CTNNA3: variants seen among roughly 807,000 people sequenced by gnomAD.
CTNNA3 encodes the protein catenin alpha 3.
A neutral mutation model predicts 95.7 loss-of-function variants in CTNNA3; 76 were observed. The ratio of observed to expected loss-of-function variants is 0.79; its 90% CI spans 0.66 to 0.96. The LOEUF (loss-of-function observed/expected upper bound fraction) is 0.96. Ranked by LOEUF, CTNNA3 falls within the 40% of genes least tolerant of loss-of-function variation. The pLI is 0.00. For missense variants in CTNNA3, 1,191 were observed against 1,089.8 expected (o/e 1.09, Z -1.31); for synonymous variants, 431 against 374.4 (o/e 1.15, Z -1.74).
chr10:66,150,896 T>C (rs2133905060), intron 13 of CTNNA3, among the ~76,000 whole-genome samples: 1 of 152,182 alleles, frequency 6.6e-6, no homozygotes, highest in South Asian at 2.1e-4. Flanking sequence ...ATTGTAAGTG[T>C]ACAATACAAT....
chr10:67,726,426 T>TGAAATTATA (rs1554879490), intron 1 of CTNNA3, among the ~76,000 whole-genome samples: 2 of 29,514 alleles, frequency 6.8e-5, no homozygotes, highest in African/African-American at 4.0e-4. Flanking sequence ...ATATTATATA[T>TGAAATTATA]TATATCATAT....
intron 9 of CTNNA3, among the ~76,000 whole-genome samples, chr10:66,632,506 G>A (rs1845175134): frequency 7.4e-6 from 1 of 135,262 alleles, no homozygotes; most frequent in South Asian, 2.3e-4. Context: ...AGTGAGCCGA[G>A]ATCACTTCAT....
intron 7 of CTNNA3, among the ~76,000 whole-genome samples, chr10:66,781,276 C>T (rs1443136081): frequency 6.6e-6 from 1 of 152,004 alleles, no homozygotes; most frequent in Admixed American, 6.6e-5. Context: ...TTTATTCAAC[C>T]TTTTAAAATG....
intron 7 of CTNNA3, among the ~76,000 whole-genome samples, chr10:67,153,392 A>C (rs1861169705): frequency 6.6e-6 from 1 of 152,234 alleles, no homozygotes; most frequent in Non-Finnish European, 1.5e-5. Context: ...ATGTGATAAT[A>C]ATGTGCAGCC....
At chr10:67,142,727 A>T (rs1860633980) in intron 7 of CTNNA3, among the ~76,000 whole-genome samples, 1 of 152,146 alleles carries the variant, frequency 6.6e-6, no homozygotes, top group East Asian at 1.9e-4. Flanking sequence ...AGGTCAGGAG[A>T]TCAAGACCAT....
chr10:66,336,021 C>T (rs906953409), intron 12 of CTNNA3, among the ~76,000 whole-genome samples: 2 of 152,100 alleles, frequency 1.3e-5, no homozygotes, highest in African/African-American at 4.8e-5. Flanking sequence ...CTTGTAGGAC[C>T]CTCCAAGACA....
chr10:67,485,553 C>A (rs1848413493), intron 5 of CTNNA3, among the ~76,000 whole-genome samples: 1 of 152,132 alleles, frequency 6.6e-6, no homozygotes, highest in African/African-American at 2.4e-5. Context: ...TATGCTGACC[C>A]ATTTAAGGTC....
At chr10:66,734,659 C>G (rs1319868996) in intron 9 of CTNNA3, among the ~76,000 whole-genome samples, 3 of 151,964 alleles carry the variant, frequency 2.0e-5, no homozygotes. Flanking sequence ...GTCAGGAGTT[C>G]GAGACCAGCC....
intron 7 of CTNNA3, among the ~76,000 whole-genome samples, chr10:66,982,051 G>T (rs1019671280): frequency 6.6e-5 from 10 of 152,260 alleles, no homozygotes; most frequent in African/African-American, 2.2e-4. Flanking sequence ...GAGGCAAGGG[G>T]CTCCATACAC....
At chr10:66,272,296 A>G (rs536339872) in intron 13 of CTNNA3, among the ~76,000 whole-genome samples, 2 of 152,298 alleles carry the variant, frequency 1.3e-5, no homozygotes, top group Non-Finnish European at 2.9e-5. Context: ...GTTGAAGAGC[A>G]GAGTAACTTA....
intron 7 of CTNNA3, among the ~76,000 whole-genome samples, chr10:66,887,416 T>A (rs1949735): frequency 0.32 from 48,253 of 152,036 alleles, 9,241 homozygotes; most frequent in South Asian, 0.5. Context: ...AGTCTAGTAT[T>A]AGAGAAGAAA....
At chr10:66,696,416 AT>A (rs1359349648) in intron 9 of CTNNA3, among the ~76,000 whole-genome samples, 1 of 152,196 alleles carries the variant, frequency 6.6e-6, no homozygotes, top group East Asian at 1.9e-4. Flanking sequence ...GGCAATATGT[AT>A]TTAAATAATA....
rs984323762 is a variant in CTNNA3, at chr10:66,688,192, G to A, written c.1282-66408C>T. ...TATAAAAGATGACTCAAGTATTTCC[G>A]TGAAGAAAATAAAAAGATCATGTCC... On this transcript the variant is annotated intron_variant, in intron 9 of 17. Coordinates refer to ENST00000433211, the MANE Select transcript of CTNNA3 (RefSeq NM_013266.4). 5.9e-5 allele frequency among the ~76,000 whole-genome samples: 9 copies of A among 152,184 alleles called. No individual in the cohort carries two copies. In the South Asian group the frequency reaches 1.2e-3, roughly 21 times the overall value.
At chr10:67,021,239 A>C (rs572976264) in intron 7 of CTNNA3, among the ~76,000 whole-genome samples, 2 of 152,212 alleles carry the variant, frequency 1.3e-5, no homozygotes, top group African/African-American at 4.8e-5. Flanking sequence ...CAACTTTGTC[A>C]ATTATTAAGC....
chr10:66,382,542 A>G (rs1031992633), intron 11 of CTNNA3, among the ~76,000 whole-genome samples: 2 of 152,148 alleles, frequency 1.3e-5, no homozygotes, highest in Non-Finnish European at 2.9e-5. Flanking sequence ...GCAGGCATAA[A>G]CGACTCTGTC....
At chr10:65,933,539 T>C (rs1440970306) in intron 17 of CTNNA3, among the ~76,000 whole-genome samples, 4 of 152,072 alleles carry the variant, frequency 2.6e-5, no homozygotes, top group Non-Finnish European at 4.4e-5. Flanking sequence ...ATGTGCATCA[T>C]AGCAAAAAAA....
chr10:66,585,396 TG>T (rs537607286), intron 10 of CTNNA3, among the ~76,000 whole-genome samples: 4 of 152,024 alleles, frequency 2.6e-5, no homozygotes, highest in South Asian at 2.1e-4. Flanking sequence ...AATTCTTTTT[TG>T]TTTACTTTTG....
At chr10:66,431,905 T>C (rs1014962550) in intron 11 of CTNNA3, among the ~76,000 whole-genome samples, 1 of 151,946 alleles carries the variant, frequency 6.6e-6, no homozygotes, top group Non-Finnish European at 1.5e-5. Flanking sequence ...AATAAAAATA[T>C]ATATATAAAA....
chr10:66,619,038 A>G (rs917829242), intron 10 of CTNNA3, among the ~76,000 whole-genome samples: 150 of 152,124 alleles, frequency 9.9e-4, no homozygotes, highest in African/African-American at 3.6e-3. Context: ...TTAGAATGGC[A>G]ATCATTAAAA....
Sources: allele counts gnomAD v4.1 joint callset (sites outside exome capture counted in the v4.1 genomes callset), GRCh38; gene constraint gnomAD v4.1.1; transcripts MANE v1.5; gene names NCBI Gene and HGNC (gene_info 2026-07-23, HGNC 2026-07-21).